Variants in KCTD2 observed in about 807,000 individuals in gnomAD.
KCTD2 encodes the protein BTB/POZ domain-containing protein KCTD2.
KCTD2 carries 18 observed loss-of-function variants against 27.9 expected under a neutral mutation model. That is an observed-to-expected ratio of 0.64 (90% CI 0.45 to 0.96). The LOEUF is 0.96. Ranked by LOEUF, KCTD2 falls within the 40% of genes least tolerant of loss-of-function variation. The pLI, the probability that KCTD2 is intolerant of heterozygous loss-of-function variation, is 0.00. For synonymous variants in KCTD2, 175 were observed against 148.4 expected (o/e 1.18, Z -1.30); for missense variants, 280 against 348.0 (o/e 0.80, Z 1.56).
At chr17:75,042,822 A>AGTGAGTC (rs1257356634), upstream of KCTD2, among the ~76,000 whole-genome samples, 2 of 152,196 alleles carry the variant, frequency 1.3e-5, no homozygotes, top group African/African-American at 4.8e-5. Context: ...TGGAGGTTGC[A>AGTGAGTC]GTGAGTCGAG....
At chr17:75,044,398 G>A (rs2073191722), upstream of KCTD2, among the ~76,000 whole-genome samples, 1 of 114,238 alleles carries the variant, frequency 8.8e-6, no homozygotes, top group Non-Finnish European at 1.6e-5. Context: ...GTAGAGACGG[G>A]GTTTCACCTT....
chr17:75,039,281 G>GA, intron 3 of KCTD2: 1 of 1,613,762 alleles, frequency 6.2e-7, no homozygotes. Context: ...CCTTTAAGAA[G>GA]AAAGAGAAAT....
At chr17:75,044,396 G>A (rs570544122), upstream of KCTD2, among the ~76,000 whole-genome samples, 5 of 112,756 alleles carry the variant, frequency 4.4e-5, no homozygotes, top group African/African-American at 1.4e-4. Context: ...TAGTAGAGAC[G>A]GGGTTTCACC....
chr17:75,055,906 C>T (rs1598125710), intron 3 of KCTD2, among the ~76,000 whole-genome samples: 1 of 151,828 alleles, frequency 6.6e-6, no homozygotes. Context: ...TAGCGGGCGC[C>T]TATAATCCCA....
chr17:75,052,234 G>GA (rs1195083753), intron 2 of KCTD2, among the ~76,000 whole-genome samples: 8 of 152,220 alleles, frequency 5.3e-5, no homozygotes, highest in Non-Finnish European at 1.2e-4. Context: ...TGGGTTTACC[G>GA]AAAATAGCAA....
intron 3 of KCTD2, among the ~76,000 whole-genome samples, chr17:75,035,570 C>G (rs1323097007): frequency 7.2e-6 from 1 of 138,686 alleles, no homozygotes; most frequent in Non-Finnish European, 1.6e-5. Flanking sequence ...CCTGTAATCC[C>G]AACACTTTGG....
chr17:75,051,427 GGT>G (rs1491158023), intron 2 of KCTD2, among the ~76,000 whole-genome samples: 2 of 151,604 alleles, frequency 1.3e-5, no homozygotes, highest in African/African-American at 2.4e-5. Context: ...TGGGATTACA[GGT>G]GCATGCCACC....
chr17:75,053,858 C>CTTTTTTTT lies in KCTD2; in HGVS notation c.540+772_540+779dup, dbSNP rs71159419. Among the ~76,000 whole-genome samples the CTTTTTTTT allele has an allele frequency of 7.1e-3, 423 of 59,310 alleles. 113 individuals are homozygous for CTTTTTTTT. Among genetic ancestry groups the CTTTTTTTT allele is most frequent in the East Asian group, 0.038 (40 of 1,064 alleles). The allele number at this position is 59,310 out of a possible 152,430, so 38.9% of individuals were successfully genotyped here. On this transcript the variant is annotated intron_variant, in intron 3 of 5. Transcript: ENST00000322444. ...CTTCAGCAGCTGCTTGTGAACCATG[C>CTTTTTTTT]TTTTTTTTTTTTTTTTTTTTTTTTT...
Position 75,047,315 on chromosome 17 carries a change from G to A in KCTD2, c.65G>A (p.Gly22Asp). 9.1e-7 allele frequency: 1 copy of A among 1,102,414 alleles called. No homozygotes were observed. The highest frequency in any genetic ancestry group is 4.2e-5 in the South Asian group (1 of 23,806). 68.3% of individuals were successfully genotyped at this position (1,102,414 alleles called of 1,614,324 possible). ...GGAGGGGGCGGCGGGAGTGGGGTGG[G>A]CGACGGGGGTGGCCCAGTCCGCGGG... is the stretch of plus-strand genomic sequence containing the variant. Reference protein sequence around the residue: ...GLGGGGGSGVGDGGGPVRGPP... With the variant: ...GLGGGGGSGVDDGGGPVRGPP... The change falls in exon 1 of 6, where the codon GGC becomes GAC. Residue 22 changes from glycine (G) to aspartate (D), a missense_variant. Coordinates refer to ENST00000322444, the MANE Select transcript of KCTD2 (RefSeq NM_015353.3).
At chr17:75,059,634 A>C (rs1038188122) in intron 4 of KCTD2, 29 bp downstream of exon 4, 3 of 1,567,084 alleles carry the variant, frequency 1.9e-6, no homozygotes, top group Non-Finnish European at 2.6e-6. Context: ...CAGCAATCCC[A>C]GGCCCCGTTC....
At chr17:75,062,019 A>G (rs781695464) in intron 4 of KCTD2, 101 bp from the exon 5 acceptor site, 1 of 1,376,424 alleles carries the variant, frequency 7.3e-7, no homozygotes, top group African/African-American at 1.5e-5. Flanking sequence ...TAAACCTTTG[A>G]TAACTTAAAA....
At chr17:75,045,301 A>T (rs1173640106), upstream of KCTD2, among the ~76,000 whole-genome samples, 2 of 152,242 alleles carry the variant, frequency 1.3e-5, no homozygotes, top group East Asian at 3.8e-4. Flanking sequence ...ACAGGACCAG[A>T]GCGAAATTAA....
intron 3 of KCTD2, among the ~76,000 whole-genome samples, chr17:75,038,298 A>G (rs2073124403): frequency 6.6e-6 from 1 of 151,588 alleles, no homozygotes; most frequent in African/African-American, 2.4e-5. Context: ...CCCCACCACC[A>G]CGCCTGGCTA....
At chr17:75,044,073 G>A (rs1372310768), upstream of KCTD2, among the ~76,000 whole-genome samples, 1 of 148,274 alleles carries the variant, frequency 6.7e-6, no homozygotes, top group African/African-American at 2.5e-5. Context: ...CCCCCGGGCT[G>A]GAGTGCAGTG....
chr17:75,063,381 C>A lies in KCTD2; in HGVS notation c.*334C>A. ...GGGATGAGGGCGGAAGGCCTAGCTC[C>A]TTGGAAATGGCCTGTACTTTAAGGA... On this transcript the variant is annotated 3_prime_UTR_variant, in exon 6 of 6. Transcript: ENST00000322444. 2.8e-6 allele frequency: 1 copy of A among 355,970 alleles called. No individual in the cohort carries two copies. The allele number at this position is 355,970 out of a possible 1,614,324, so 22.1% of individuals were successfully genotyped here. A position where few individuals can be genotyped will look rare whatever the true frequency, so the allele number is the denominator to read the frequency against.
At chr17:75,054,198 G>T (rs1421402694) in intron 3 of KCTD2, among the ~76,000 whole-genome samples, 1 of 151,028 alleles carries the variant, frequency 6.6e-6, no homozygotes, top group East Asian at 2.0e-4. Flanking sequence ...TTTGTATTTT[G>T]GGTAGAAACG....
chr17:75,061,122 T>C (rs1326885564), intron 4 of KCTD2, among the ~76,000 whole-genome samples: 1 of 152,252 alleles, frequency 6.6e-6, no homozygotes, highest in Non-Finnish European at 1.5e-5. Context: ...ATCTTATTAC[T>C]GTCCCGTGGG....
chr17:75,042,522 T>C (rs1368334062), upstream of KCTD2: 1 of 1,609,638 alleles, frequency 6.2e-7, no homozygotes, highest in Non-Finnish European at 8.5e-7. Flanking sequence ...CTCAGAAACA[T>C]ACTGACCTGG....
intron 2 of KCTD2, 138 bp from the exon 3 acceptor site, chr17:75,052,876 A>G (rs2073303743): frequency 2.1e-5 from 14 of 666,160 alleles, no homozygotes; most frequent in South Asian, 1.7e-4. Flanking sequence ...CCTGGGCGAC[A>G]GAGTAAGACT....
Sources: gnomAD v4.1 joint callset for allele counts (sites outside exome capture counted in the v4.1 genomes callset) on GRCh38, gnomAD v4.1.1 for gene constraint, MANE v1.5 for transcripts, NCBI Gene and HGNC (gene_info 2026-07-23, HGNC 2026-07-21) for gene names.